The following LRRC28 variants were observed in gnomAD, a reference collection of about 807,000 sequenced individuals.
LRRC28 encodes the protein leucine rich repeat containing 28.
A neutral mutation model predicts 45.7 loss-of-function variants in LRRC28; 39 were observed. The ratio of observed to expected loss-of-function variants is 0.85; its 90% CI spans 0.66 to 1.12. The LOEUF (loss-of-function observed/expected upper bound fraction) is 1.12. Among genes scored for constraint, LRRC28 ranks in the 50% most tolerant of loss-of-function variants. LRRC28 has a pLI of 0.00. For missense variants in LRRC28, 435 were observed against 438.5 expected (o/e 0.99, Z 0.07); for synonymous variants, 206 against 178.8 (o/e 1.15, Z -1.22).
chr15:99,287,234 T>C, intron 3 of LRRC28, 23 bp from the exon 4 acceptor site: 1 of 1,561,368 alleles, frequency 6.4e-7, no homozygotes, highest in Non-Finnish European at 8.7e-7. Context: ...ATAATGGCTG[T>C]TTTTTTTCTT....
intron 5 of LRRC28, among the ~76,000 whole-genome samples, chr15:99,323,405 G>T (rs746773406): frequency 1.3e-5 from 2 of 152,262 alleles, no homozygotes; most frequent in South Asian, 4.1e-4. Flanking sequence ...TCTAGGATTC[G>T]ATCCCAATTG....
At chr15:99,330,857 C>T (rs1956138233) in intron 5 of LRRC28, among the ~76,000 whole-genome samples, 1 of 151,888 alleles carries the variant, frequency 6.6e-6, no homozygotes, top group Non-Finnish European at 1.5e-5. Context: ...ATTTCAGTTA[C>T]TGTGCTGACT....
At chr15:99,266,009 G>T (rs1341790695) in intron 2 of LRRC28, among the ~76,000 whole-genome samples, 1 of 152,116 alleles carries the variant, frequency 6.6e-6, no homozygotes, top group Non-Finnish European at 1.5e-5. Context: ...CAAAAAAGAG[G>T]TATCCAAATT....
intron 6 of LRRC28, among the ~76,000 whole-genome samples, chr15:99,341,152 G>A (rs990023644): frequency 2.1e-5 from 3 of 146,236 alleles, no homozygotes; most frequent in South Asian, 4.4e-4. Context: ...GTGCAGTGGC[G>A]TGATCTGGGC....
intron 7 of LRRC28, among the ~76,000 whole-genome samples, chr15:99,357,015 A>G (rs1337911566): frequency 2.0e-5 from 3 of 152,188 alleles, no homozygotes; most frequent in African/African-American, 7.2e-5. Flanking sequence ...TATTCTTTCT[A>G]GGTGACATAG....
chr15:99,364,989 A>G (rs763791854), intron 9 of LRRC28, among the ~76,000 whole-genome samples: 1 of 152,236 alleles, frequency 6.6e-6, no homozygotes, highest in South Asian at 2.1e-4. Flanking sequence ...GCAGTTTCCT[A>G]TAGAAGACAT....
intron 2 of LRRC28, among the ~76,000 whole-genome samples, chr15:99,263,339 A>T (rs1018144514): frequency 6.7e-6 from 1 of 149,686 alleles, no homozygotes; most frequent in African/African-American, 2.5e-5. Context: ...AAAAAAAAAG[A>T]AGTAGTTAAG....
intron 2 of LRRC28, among the ~76,000 whole-genome samples, chr15:99,264,953 G>A (rs2081293909): frequency 6.6e-6 from 1 of 152,180 alleles, no homozygotes; most frequent in East Asian, 1.9e-4. Flanking sequence ...AGGGAGAACA[G>A]GTGGAAAGAC....
chr15:99,352,350 A>G lies in LRRC28; in HGVS notation c.593-19A>G, dbSNP rs1273122081. 1.3e-6 allele frequency: 2 copies of G among 1,550,574 alleles called. No homozygotes were observed. The highest frequency in any genetic ancestry group is 2.7e-5 in the African/African-American group (2 of 73,654). On this transcript the variant is annotated intron_variant, in intron 6 of 9. Transcript: ENST00000301981. The stretch of plus-strand genomic sequence containing the variant: ...GGTGCCTGTATATAGGAATTACAGC[A>G]CTTTTCTTTCTAATCCAGATTTAGG...
At chr15:99,270,117 C>G (rs1038228173) in intron 2 of LRRC28, among the ~76,000 whole-genome samples, 7 of 152,230 alleles carry the variant, frequency 4.6e-5, no homozygotes, top group Non-Finnish European at 7.3e-5. Flanking sequence ...TGGTATTTAA[C>G]TCATGTCGTG....
At chr15:99,357,277 C>G (rs552761355) in intron 7 of LRRC28, among the ~76,000 whole-genome samples, 2 of 152,276 alleles carry the variant, frequency 1.3e-5, no homozygotes, top group East Asian at 3.9e-4. Flanking sequence ...AGGCCCAGCT[C>G]TGATCTTAAG....
chr15:99,387,158 T>A lies in LRRC28; in HGVS notation c.*1056T>A, dbSNP rs930123540. On this transcript the variant is annotated 3_prime_UTR_variant, in exon 10 of 10. Transcript: ENST00000301981. ...TCACTGCAAGCTCCGCCTCCCGGGT[T>A]CACGCCATTCTCCTGCCTCAGCCTC... The A allele has an allele frequency of 6.7e-5, 10 of 149,698 alleles. No individual in the cohort carries two copies. The highest frequency in any genetic ancestry group is 2.2e-4 in the African/African-American group (9 of 40,674). 9.3% of individuals were successfully genotyped at this position (149,698 alleles called of 1,614,324 possible).
At chr15:99,304,592 G>C (rs927922253) in intron 5 of LRRC28, among the ~76,000 whole-genome samples, 1 of 151,510 alleles carries the variant, frequency 6.6e-6, no homozygotes, top group East Asian at 1.9e-4. Context: ...CAACACGCCC[G>C]GCTCATTTAT....
intron 2 of LRRC28, among the ~76,000 whole-genome samples, chr15:99,263,980 G>GC (rs1185249139): frequency 6.6e-6 from 1 of 152,202 alleles, no homozygotes; most frequent in African/African-American, 2.4e-5. Flanking sequence ...CTTGCCTTGA[G>GC]CAGTGGTTTT....
intron 5 of LRRC28, among the ~76,000 whole-genome samples, chr15:99,311,511 G>C (rs1178640852): frequency 6.6e-6 from 1 of 152,002 alleles, no homozygotes. Context: ...TTCTGTTGTG[G>C]TCAGGCTATA....
chr15:99,339,384 C>T (rs1956429876), intron 6 of LRRC28, among the ~76,000 whole-genome samples: 1 of 152,116 alleles, frequency 6.6e-6, no homozygotes. Flanking sequence ...AACAAGAAAA[C>T]AAAAGTTGTA....
At chr15:99,288,084 A>G (rs1033209563) in intron 5 of LRRC28, 133 bp downstream of exon 5, 15 of 857,256 alleles carry the variant, frequency 1.7e-5, no homozygotes, top group African/African-American at 1.0e-4. Context: ...AGATGAAACT[A>G]AAGAATGGGT....
intron 2 of LRRC28, among the ~76,000 whole-genome samples, chr15:99,272,328 G>C (rs1283383730): frequency 2.6e-5 from 4 of 152,172 alleles, no homozygotes; most frequent in Non-Finnish European, 4.4e-5. Flanking sequence ...ACTGTGGAAG[G>C]GGTGAGGTCT....
chr15:99,254,848 C>T (rs1421755894), intron 1 of LRRC28, among the ~76,000 whole-genome samples: 1 of 152,194 alleles, frequency 6.6e-6, no homozygotes, highest in Admixed American at 6.5e-5. Context: ...TTATAATAAT[C>T]TGCCCTGGAC....
Sources: allele counts gnomAD v4.1 joint callset (sites outside exome capture counted in the v4.1 genomes callset), GRCh38; gene constraint gnomAD v4.1.1; transcripts MANE v1.5; gene names NCBI Gene and HGNC (gene_info 2026-07-23, HGNC 2026-07-21).